Variants in TSPEAR observed in about 807,000 individuals in gnomAD.
TSPEAR encodes the protein thrombospondin-type laminin G domain and EAR repeat-containing protein.
A neutral mutation model predicts 71.6 loss-of-function variants in TSPEAR; 69 were observed. That is an observed-to-expected ratio of 0.96 (90% CI 0.79 to 1.18). TSPEAR has a LOEUF of 1.18. TSPEAR is among the 50% of genes most tolerant of loss of function. TSPEAR has a pLI of 0.00. For missense variants in TSPEAR, 971 were observed against 894.9 expected (o/e 1.09, Z -1.09); for synonymous variants, 402 against 387.2 (o/e 1.04, Z -0.45).
intron 1 of TSPEAR, among the ~76,000 whole-genome samples, chr21:44,598,811 T>A (rs1980545695): frequency 6.6e-6 from 1 of 152,224 alleles, no homozygotes; most frequent in African/African-American, 2.4e-5. Flanking sequence ...TCCGTCATCC[T>A]GCCTAAAAAA....
Position 44,510,506 on chromosome 21 carries a change from G to C in TSPEAR, c.1567-1120C>G, listed in dbSNP as rs1256774815. 2.0e-5 allele frequency among the ~76,000 whole-genome samples: 3 copies of C among 152,220 alleles called. No individual in the cohort carries two copies. In the East Asian group the frequency reaches 5.8e-4, roughly 29 times the overall value. ...CTGGGTCTGATGCGACCTGCCCTCCGCAGCAGGTCAGGCACCCTCCCTTGC... is the reference window on the plus strand; with the variant it reads ...CTGGGTCTGATGCGACCTGCCCTCCCCAGCAGGTCAGGCACCCTCCCTTGC... On this transcript the variant is annotated intron_variant, in intron 9 of 11. Transcript: ENST00000323084.
chr21:44,522,172 C>CT, intron 8 of TSPEAR, 60 bp from the exon 9 acceptor site: 2 of 1,530,708 alleles, frequency 1.3e-6, no homozygotes, highest in Admixed American at 3.4e-5. Context: ...CATGGCAGCC[C>CT]CGACGGAGGC....
intron 2 of TSPEAR, among the ~76,000 whole-genome samples, chr21:44,543,472 A>C (rs1218809821): frequency 6.6e-6 from 1 of 152,218 alleles, no homozygotes; most frequent in African/African-American, 2.4e-5. Flanking sequence ...AGATGCTAGT[A>C]CTTGGCCGAA....
At chr21:44,637,471 G>C (rs1555937017) in intron 1 of TSPEAR, 1 of 1,613,354 alleles carries the variant, frequency 6.2e-7, no homozygotes, top group Non-Finnish European at 8.5e-7. Flanking sequence ...ACTCTTGGCG[G>C]GTAGTCGACT....
intron 1 of TSPEAR, among the ~76,000 whole-genome samples, chr21:44,701,899 C>A (rs1428051208): frequency 2.0e-5 from 3 of 152,194 alleles, no homozygotes; most frequent in Non-Finnish European, 4.4e-5. Flanking sequence ...AATTCTGTGT[C>A]TTTCGGCAAG....
At chr21:44,598,685 T>C (rs1471828129) in intron 1 of TSPEAR, among the ~76,000 whole-genome samples, 2 of 152,248 alleles carry the variant, frequency 1.3e-5, no homozygotes, top group African/African-American at 4.8e-5. Flanking sequence ...TCACCTTTTA[T>C]TGTTAATGTC....
intron 1 of TSPEAR, chr21:44,654,364 G>A (rs1555942083): frequency 1.7e-5 from 27 of 1,614,176 alleles, no homozygotes; most frequent in Non-Finnish European, 2.1e-5. Context: ...TGGGCAGAAG[G>A]AAGCCACACA....
rs782799824 is a variant in TSPEAR at position 44,521,958 on chromosome 21, G to T, written c.1491C>A (p.Asn497Lys). 23 of 1,614,128 alleles carry T rather than the reference G, an allele frequency of 1.4e-5. No homozygotes were observed. Among genetic ancestry groups the T allele is most frequent in the Non-Finnish European group, 1.9e-5 (23 of 1,180,004 alleles). ...YSFLVVANTF[N>K]GTSTKVHSHL... ...GCGAGTGCACCTTGGTGGAGGTGCC[G>T]TTGAAGGTGTTGGCCACCACCAGGA... is the stretch of plus-strand genomic sequence containing the variant. The change falls in exon 9 of 12, where the codon AAC becomes AAA. Residue 497 changes from asparagine to lysine, a missense_variant. Transcript: ENST00000323084.
intron 2 of TSPEAR, among the ~76,000 whole-genome samples, chr21:44,543,049 A>T (rs1248644902): frequency 6.6e-6 from 1 of 152,192 alleles, no homozygotes; most frequent in Non-Finnish European, 1.5e-5. Flanking sequence ...TGGGAAGAAG[A>T]TTCCCCCAAA....
Position 44,558,627 on chromosome 21 carries a change from G to T in TSPEAR, c.303+9158C>A, listed in dbSNP as rs377599185. The stretch of plus-strand genomic sequence containing the variant: ...GGCGCAGCAGCTGGTGGCGCAGCAG[G>T]GGGGCTCACAGCAGCTCTCTGGGCA... On this transcript the variant is annotated intron_variant, in intron 2 of 11. Transcript: ENST00000323084. 38 of 1,611,448 alleles carry T rather than the reference G, an allele frequency of 2.4e-5. No individual in the cohort carries two copies. In the East Asian group the frequency reaches 3.3e-4, roughly 14 times the overall value.
intron 2 of TSPEAR, among the ~76,000 whole-genome samples, chr21:44,542,982 T>C (rs233321): frequency 0.33 from 50,535 of 151,082 alleles, 8,558 homozygotes; most frequent in East Asian, 0.41. Flanking sequence ...CAGAGGACAA[T>C]GGAATGATAT....
At chr21:44,682,485 T>G (rs1986653757) in intron 1 of TSPEAR, among the ~76,000 whole-genome samples, 1 of 152,196 alleles carries the variant, frequency 6.6e-6, no homozygotes, top group South Asian at 2.1e-4. Context: ...AAAGAGCTCC[T>G]CGAACCGCAA....
At chr21:44,665,781 A>AGT (rs1555944520) in intron 1 of TSPEAR, among the ~76,000 whole-genome samples, 2 of 152,162 alleles carry the variant, frequency 1.3e-5, no homozygotes, top group Non-Finnish European at 2.9e-5. Context: ...CAGTGATGGG[A>AGT]GTGTGTGCCG....
At chr21:44,694,661 A>ATTTGT (rs1987254573) in intron 1 of TSPEAR, among the ~76,000 whole-genome samples, 2 of 152,272 alleles carry the variant, frequency 1.3e-5, no homozygotes, top group Non-Finnish European at 2.9e-5. Flanking sequence ...ACATTTTTAA[A>ATTTGT]GGCAGTCAAA....
chr21:44,529,961 A>G lies in TSPEAR; in HGVS notation c.634-7T>C, dbSNP rs374768643. On this transcript the variant is annotated splice_region_variant and splice_polypyrimidine_tract_variant and intron_variant, in intron 4 of 11. Coordinates refer to ENST00000323084, the MANE Select transcript of TSPEAR (RefSeq NM_144991.3). ...CCAGTTGCCTCACCAGTCCCTGCAG[A>G]GAGAGGGACAGCTCCTTCAGGCCCG... 27 of 1,583,500 alleles carry G rather than the reference A, an allele frequency of 1.7e-5. No individual in the cohort carries two copies. The highest frequency in any genetic ancestry group is 9.0e-5 in the East Asian group (4 of 44,612).
intron 1 of TSPEAR, among the ~76,000 whole-genome samples, chr21:44,649,464 G>A (rs1168489326): frequency 3.3e-5 from 5 of 152,110 alleles, no homozygotes; most frequent in South Asian, 2.1e-4. Context: ...CGGCTCCCCC[G>A]CTACCCACGT....
intron 1 of TSPEAR, among the ~76,000 whole-genome samples, chr21:44,668,562 C>G (rs1334332849): frequency 6.6e-6 from 1 of 152,174 alleles, no homozygotes; most frequent in African/African-American, 2.4e-5. Context: ...TATGTGGAGT[C>G]TCAAGGGACC....
At chr21:44,657,156 C>T (rs1021920020) in intron 1 of TSPEAR, among the ~76,000 whole-genome samples, 1 of 152,170 alleles carries the variant, frequency 6.6e-6, no homozygotes, top group Non-Finnish European at 1.5e-5. Flanking sequence ...CCATTACTAT[C>T]TCCTGAACCC....
chr21:44,580,594 A>G, intron 1 of TSPEAR: 1 of 1,598,766 alleles, frequency 6.3e-7, no homozygotes, highest in South Asian at 1.1e-5. Context: ...GGTGGGGAAG[A>G]CGTGAGCTGG....
Sources: gnomAD v4.1 joint callset for allele counts (sites outside exome capture counted in the v4.1 genomes callset) on GRCh38, gnomAD v4.1.1 for gene constraint, MANE v1.5 for transcripts, NCBI Gene and HGNC (gene_info 2026-07-23, HGNC 2026-07-21) for gene names.